Variants in SLC25A24 observed in about 807,000 individuals in gnomAD.
SLC25A24 encodes the protein mitochondrial adenyl nucleotide antiporter SLC25A24.
A neutral mutation model predicts 60.7 loss-of-function variants in SLC25A24; 49 were observed. The observed-to-expected ratio is 0.81, with a 90% CI of 0.64 to 1.02. The LOEUF is 1.02. Among genes scored for constraint, SLC25A24 ranks in the 50% least tolerant of loss-of-function variants. The pLI is 0.00. For missense variants in SLC25A24, 564 were observed against 586.3 expected (o/e 0.96, Z 0.39); for synonymous variants, 202 against 200.6 (o/e 1.01, Z -0.06).
At chr1:108,186,519 G>A (rs1262249426) in intron 1 of SLC25A24, among the ~76,000 whole-genome samples, 1 of 152,048 alleles carries the variant, frequency 6.6e-6, no homozygotes, top group Non-Finnish European at 1.5e-5. Context: ...TTGCACCACT[G>A]CATTCTAACC....
chr1:108,144,221 G>A lies in SLC25A24; in HGVS notation c.931-511C>T, dbSNP rs535832778. ...TGTATTAGCATGCATACCACATATC[G>A]GTGAAAATTGTATTTATCTTGCTTA... On this transcript the variant is annotated intron_variant, in intron 7 of 9. Coordinates refer to ENST00000565488, the MANE Select transcript of SLC25A24 (RefSeq NM_013386.5). 3.0e-4 allele frequency among the ~76,000 whole-genome samples: 45 copies of A among 152,028 alleles called. No homozygotes were observed. In the South Asian group the frequency reaches 6.9e-3, roughly 23 times the overall value.
In SLC25A24 at chr1:108,136,856, G is replaced by A; in HGVS notation, c.1250-19C>T. 1 of 1,604,776 alleles carries A rather than the reference G, an allele frequency of 6.2e-7. No individual in the cohort carries two copies. Among genetic ancestry groups the A allele is most frequent in the Non-Finnish European group, 8.5e-7 (1 of 1,173,022 alleles). ...AACATGGCTAAAAAATAAAAAAAGAGGGTAATTTAATATTCAAGTATGTTT... is the reference window on the plus strand; with the variant it reads ...AACATGGCTAAAAAATAAAAAAAGAAGGTAATTTAATATTCAAGTATGTTT... On this transcript the variant is annotated intron_variant, in intron 9 of 9. Coordinates refer to ENST00000565488, the MANE Select transcript of SLC25A24 (RefSeq NM_013386.5).
At chr1:108,154,243 GC>G (rs1346245384) in intron 6 of SLC25A24, among the ~76,000 whole-genome samples, 1 of 151,812 alleles carries the variant, frequency 6.6e-6, no homozygotes, top group Non-Finnish European at 1.5e-5. Flanking sequence ...GAATTTCAAG[GC>G]CCTTACAGTC....
At chr1:108,141,065 C>T (rs1228699162) in intron 8 of SLC25A24, among the ~76,000 whole-genome samples, 3 of 152,066 alleles carry the variant, frequency 2.0e-5, no homozygotes, top group Non-Finnish European at 4.4e-5. Flanking sequence ...GATCTAAGGA[C>T]ACACATAAGC....
intron 3 of SLC25A24, 52 bp from the exon 4 acceptor site, chr1:108,161,345 C>G (rs775756251): frequency 1.1e-6 from 1 of 937,678 alleles, no homozygotes; most frequent in Admixed American, 1.9e-5. Context: ...ATAAATAAAA[C>G]TAACATTATT....
intron 4 of SLC25A24, among the ~76,000 whole-genome samples, 178 bp downstream of exon 4, chr1:108,161,004 T>G (rs1571291110): frequency 6.6e-6 from 1 of 151,672 alleles, no homozygotes; most frequent in East Asian, 1.9e-4. Flanking sequence ...GGAGAGCTGT[T>G]TTTTTTTGTT....
chr1:108,191,974 T>TA lies in SLC25A24; in HGVS notation c.184-6021dup, dbSNP rs372472298. Among the ~76,000 whole-genome samples, 137 of 138,880 alleles carry TA rather than the reference T, an allele frequency of 9.9e-4. 11 individuals carry two copies. The highest frequency in any genetic ancestry group is 3.2e-3 in the African/African-American group (129 of 40,086). 91.1% of individuals were successfully genotyped at this position (138,880 alleles called of 152,430 possible). The stretch of plus-strand genomic sequence containing the variant: ...TTAGCCTAAGCTCGGTACTGATAAC[T>TA]AGGGTCTATCAATTAAGGCATATTA... On this transcript the variant is annotated intron_variant, in intron 1 of 9. Coordinates refer to ENST00000565488, the MANE Select transcript of SLC25A24 (RefSeq NM_013386.5).
At chr1:108,170,877 A>G (rs1647437289) in intron 3 of SLC25A24, among the ~76,000 whole-genome samples, 1 of 152,042 alleles carries the variant, frequency 6.6e-6, no homozygotes, top group South Asian at 2.1e-4. Context: ...TCAGAAGGTG[A>G]TTATCTTCTA....
intron 3 of SLC25A24, among the ~76,000 whole-genome samples, chr1:108,172,553 T>C (rs150414953): frequency 6.2e-4 from 95 of 152,246 alleles, no homozygotes; most frequent in African/African-American, 2.2e-3. Context: ...ACAACCAGCT[T>C]TCATGAACTA....
intron 2 of SLC25A24, among the ~76,000 whole-genome samples, chr1:108,184,890 C>T (rs1648063877): frequency 6.6e-6 from 1 of 152,116 alleles, no homozygotes; most frequent in Admixed American, 6.5e-5. Flanking sequence ...AATGAAATGA[C>T]CTTGACTATT....
intron 6 of SLC25A24, among the ~76,000 whole-genome samples, chr1:108,150,195 C>T (rs929697391): frequency 2.0e-5 from 3 of 152,114 alleles, no homozygotes; most frequent in East Asian, 1.9e-4. Flanking sequence ...ACAGAGTAAA[C>T]GTTTAGTGAC....
intron 3 of SLC25A24, 43 bp from the exon 4 acceptor site, chr1:108,161,336 T>G (rs1164909135): frequency 3.1e-6 from 3 of 963,332 alleles, no homozygotes; most frequent in Non-Finnish European, 5.0e-6. Flanking sequence ...ACTAAATTGA[T>G]AAATAAAACT....
At chr1:108,153,658 G>A (rs1679811071) in intron 6 of SLC25A24, among the ~76,000 whole-genome samples, 1 of 152,174 alleles carries the variant, frequency 6.6e-6, no homozygotes, top group African/African-American at 2.4e-5. Context: ...ACCACACTGT[G>A]TAGACAGCTT....
At chr1:108,179,765 A>C (rs536631773) in intron 3 of SLC25A24, among the ~76,000 whole-genome samples, 151 of 152,290 alleles carry the variant, frequency 9.9e-4, no homozygotes, top group African/African-American at 3.4e-3. Flanking sequence ...TCAGCTTGAC[A>C]TGAGGAATAA....
intron 3 of SLC25A24, among the ~76,000 whole-genome samples, chr1:108,180,620 CTCTCTCTCTCTCTCT>C (rs773362111): frequency 0.13 from 17,799 of 131,906 alleles, 1,381 homozygotes; most frequent in Middle Eastern, 0.24. Context: ...AGAAAGATCT[CTCTCTCTCTCTCTCT>C]CTCTCTCTCT....
intron 3 of SLC25A24, among the ~76,000 whole-genome samples, chr1:108,165,531 C>T (rs893598841): frequency 6.6e-6 from 1 of 151,992 alleles, no homozygotes; most frequent in Admixed American, 6.6e-5. Context: ...TGAATTGATC[C>T]CTTTACCATT....
intron 5 of SLC25A24, among the ~76,000 whole-genome samples, chr1:108,155,578 AT>A (rs1403173542): frequency 2.0e-5 from 3 of 152,026 alleles, no homozygotes; most frequent in African/African-American, 7.2e-5. Flanking sequence ...TTAAAGTAAT[AT>A]GTTACTCCCT....
At chr1:108,193,441 T>C (rs376828790) in intron 1 of SLC25A24, among the ~76,000 whole-genome samples, 2 of 139,504 alleles carry the variant, frequency 1.4e-5, no homozygotes, top group African/African-American at 5.0e-5. Flanking sequence ...TATTTGTTTT[T>C]CTGTTTCTAC....
At position 108,200,291 on chromosome 1, in the gene SLC25A24, C is replaced by A; in HGVS notation, c.-153G>T. On this transcript the variant is annotated 5_prime_UTR_variant, in exon 1 of 10. Coordinates refer to ENST00000565488, the MANE Select transcript of SLC25A24 (RefSeq NM_013386.5). ...GGGGTTGCGGCTGCGGCGCGCAGGG[C>A]GCAGGGCGCAGGAGCGGAGACCCCA... is the stretch of plus-strand genomic sequence containing the variant. 3.4e-6 allele frequency: 2 copies of A among 590,706 alleles called. No homozygotes were observed. The highest frequency in any genetic ancestry group is 5.0e-6 in the Non-Finnish European group (2 of 401,426). 36.6% of individuals were successfully genotyped at this position (590,706 alleles called of 1,614,324 possible). A position where few individuals can be genotyped will look rare whatever the true frequency, so the allele number is the denominator to read the frequency against.
Sources: allele counts gnomAD v4.1 joint callset (sites outside exome capture counted in the v4.1 genomes callset), GRCh38; gene constraint gnomAD v4.1.1; transcripts MANE v1.5; gene names NCBI Gene and HGNC (gene_info 2026-07-23, HGNC 2026-07-21).